Variants in ZNF235 observed in about 807,000 individuals in gnomAD.
ZNF235 encodes zfp-93.
Under a neutral mutation model 29.4 loss-of-function variants are expected in ZNF235, and 25 were observed. The observed-to-expected ratio is 0.85, with a 90% confidence interval of 0.62 to 1.19. ZNF235 has a LOEUF of 1.19. ZNF235 is among the 50% of genes most tolerant of loss of function. ZNF235 has a pLI of 0.00. For missense variants in ZNF235, 788 were observed against 885.0 expected, an observed-to-expected ratio of 0.89 and a Z score of 1.39; for synonymous variants, 300 against 295.3, an observed-to-expected ratio of 1.02 and a Z score of -0.16.
intron 2 of ZNF235, 72 bp from the exon 3 acceptor site, chr19:44,299,804 A>G: frequency 6.2e-7 from 1 of 1,608,996 alleles, no homozygotes; most frequent in Non-Finnish European, 8.5e-7. Context: ...CTCTTTCTGT[A>G]GAGTTACTAT....
In ZNF235 at chr19:44,304,668, G is replaced by C. The variant is rs987690710; in HGVS notation, c.-49+303C>G. 2.9e-5 allele frequency: 28 copies of C among 959,764 alleles called. No individual in the cohort carries two copies. In the African/African-American group the frequency reaches 4.4e-4, roughly 15 times the overall value. 59.5% of individuals were successfully genotyped at this position (959,764 alleles called of 1,614,324 possible). ...CGCACTAACCCTTTACAGGCACGAG[G>C]AAACTGAGACAAGGAGAGATTAAGT... On this transcript the variant is annotated intron_variant, in intron 1 of 4. Transcript: ENST00000291182.
In ZNF235 at chr19:44,288,494, G is replaced by C; in HGVS notation, c.941C>G (p.Thr314Ser). The C allele has an allele frequency of 6.2e-7, 1 of 1,614,136 alleles. No homozygotes were observed. The highest frequency in any genetic ancestry group is 8.5e-7 in the Non-Finnish European group (1 of 1,180,014). Residue 314 changes from threonine (T) to serine (S), a missense_variant, in exon 5 of 5, where the codon ACT becomes AGT. By Grantham distance (58) the Thr-to-Ser change is moderately conservative (BLOSUM62 1). Transcript: ENST00000291182. Reference sequence around the variant, plus strand: ...ATGACACCAATAGCGTTTTTTCCCAGTACGAACACTTTGTTGAACAGGAAT... The same window carrying C: ...ATGACACCAATAGCGTTTTTTCCCACTACGAACACTTTGTTGAACAGGAAT... ...SGIPVQQSVR[T>S]GKKRYWCHEC...
Position 44,289,048 on chromosome 19 carries a change from C to T in ZNF235, c.387G>A (p.Lys129=). ...SQDSMINIEG[K]SSQFPKHHDS... ...CATGGTGCTTGGGGAACTGAGAGCT[C>T]TTTCCTTCAATATTTATCATGGAGT... The change falls in exon 5 of 5, where the codon AAG becomes AAA. Residue 129 remains lysine, a synonymous_variant. Coordinates refer to ENST00000291182, the MANE Select transcript of ZNF235 (RefSeq NM_004234.4). The T allele has an allele frequency of 6.2e-7, 1 of 1,614,090 alleles. No homozygotes were observed. The highest frequency in any genetic ancestry group is 1.1e-5 in the South Asian group (1 of 91,072).
intron 1 of ZNF235, among the ~76,000 whole-genome samples, chr19:44,304,477 C>A (rs1269489033): frequency 6.6e-6 from 1 of 152,214 alleles, no homozygotes; most frequent in Admixed American, 6.5e-5. Context: ...GAAGGGACAG[C>A]GGCTCCGTAG....
chr19:44,297,242 C>A, intron 4 of ZNF235: 1 of 198,026 alleles, frequency 5.0e-6, no homozygotes, highest in Non-Finnish European at 1.1e-5. Flanking sequence ...CATGATCAAC[C>A]AGGCCACACC....
intron 4 of ZNF235, among the ~76,000 whole-genome samples, chr19:44,296,214 C>A (rs1459809952): frequency 2.0e-5 from 3 of 151,932 alleles, no homozygotes; most frequent in African/African-American, 4.8e-5. Context: ...CATTCTCCAG[C>A]AAAAAATAAA....
At position 44,287,321 on chromosome 19, in the gene ZNF235, T is replaced by C; in HGVS notation, c.2114A>G (p.His705Arg). 1 of 1,614,026 alleles carries C rather than the reference T, an allele frequency of 6.2e-7. No individual in the cohort carries two copies. Among genetic ancestry groups the C allele is most frequent in the Admixed American group, 1.7e-5 (1 of 60,004 alleles). The change falls in exon 5 of 5, where the codon CAC (histidine) becomes CGC (arginine). Residue 705 changes from histidine to arginine, a missense_variant. By Grantham distance (29) the His-to-Arg change is conservative. Coordinates refer to ENST00000291182, the MANE Select transcript of ZNF235 (RefSeq NM_004234.4). ...ACATATGTAAGGCCTCTCTCCAGTG[T>C]GGACTCTCTGGTGTGTGTGAAAATG... Reference protein sequence around the residue: ...ASHFHTHQRVHTGERPYICDV... With the variant: ...ASHFHTHQRVRTGERPYICDV...
intron 4 of ZNF235, among the ~76,000 whole-genome samples, chr19:44,291,807 A>T (rs1305599194): frequency 6.6e-6 from 1 of 152,156 alleles, no homozygotes; most frequent in Non-Finnish European, 1.5e-5. Context: ...TTCATCCATG[A>T]ATTTTACCAA....
intron 4 of ZNF235, 39 bp from the exon 5 acceptor site, chr19:44,289,235 G>A (rs1369702472): frequency 6.5e-7 from 1 of 1,535,808 alleles, no homozygotes; most frequent in Non-Finnish European, 8.8e-7. Flanking sequence ...AGGACCAAGA[G>A]ACTGACATTA....
chr19:44,288,158 G>C lies in ZNF235; in HGVS notation c.1277C>G (p.Thr426Ser), dbSNP rs771551317. The C allele has an allele frequency of 6.2e-7, 1 of 1,614,038 alleles. No individual in the cohort carries two copies. Among genetic ancestry groups the C allele is most frequent in the Middle Eastern group, 1.6e-4 (1 of 6,062 alleles). The change falls in exon 5 of 5, where the codon ACT becomes AGT. Residue 426 changes from threonine to serine, a missense_variant. Thr to Ser is a moderately conservative substitution (Grantham distance 58, BLOSUM62 1). Coordinates refer to ENST00000291182, the MANE Select transcript of ZNF235 (RefSeq NM_004234.4). The part of the protein sequence containing the change: ...SHLQAHERIH[T>S]GEKPYKCGDC... ...CCCACATTTATATGGTTTCTCTCCA[G>C]TGTGAATTCTTTCATGGGCCTGAAG... is the stretch of plus-strand genomic sequence containing the variant.
chr19:44,297,963 A>G (rs1411629666), intron 4 of ZNF235, among the ~76,000 whole-genome samples: 1 of 152,036 alleles, frequency 6.6e-6, no homozygotes, highest in Admixed American at 6.6e-5. Flanking sequence ...TACAAAAAAT[A>G]TAAAAATTAG....
At position 44,288,544 on chromosome 19, in the gene ZNF235, C is replaced by T. The variant is rs35932898; in HGVS notation, c.891G>A (p.Glu297=). The T allele has an allele frequency of 3.7e-3, 5,918 of 1,614,116 alleles. 179 individuals are homozygous for T. In the African/African-American group the frequency reaches 0.065, roughly 18 times the overall value. The change falls in exon 5 of 5, where the codon GAG becomes GAA. Residue 297 remains glutamate (E), a synonymous_variant. Transcript: ENST00000291182. ...TACCTGAGCTATAACTGGTGTCCTT[C>T]TCATGTGTACTACACGCTGGAGACT... is the stretch of plus-strand genomic sequence containing the variant. ...GKKSPACSTH[E]KDTSYSSGIP... is the part of the protein sequence containing the mutation.
chr19:44,299,248 C>G (rs1975698885), intron 3 of ZNF235, among the ~76,000 whole-genome samples: 1 of 152,148 alleles, frequency 6.6e-6, no homozygotes, highest in African/African-American at 2.4e-5. Context: ...GCTTATGTAA[C>G]TTACTAATTT....
At position 44,287,487 on chromosome 19, in the gene ZNF235, T is replaced by G; in HGVS notation, c.1948A>C (p.Thr650Pro). The change falls in exon 5 of 5, where the codon ACT (threonine) becomes CCT (proline). Residue 650 changes from threonine (T) to proline (P), a missense_variant. Thr to Pro is a conservative substitution (Grantham distance 38). Coordinates refer to ENST00000291182, the MANE Select transcript of ZNF235 (RefSeq NM_004234.4). The part of the protein sequence containing the change: ...SNLQVHQIIH[T>P]GEKPFKCEEC... The stretch of plus-strand genomic sequence containing the variant: ...TCACATTTAAATGGTTTCTCTCCAG[T>G]GTGAATTATCTGATGGACTTGAAGA... 6.2e-7 allele frequency: 1 copy of G among 1,614,152 alleles called. No homozygotes were observed. Among genetic ancestry groups the G allele is most frequent in the Non-Finnish European group, 8.5e-7 (1 of 1,180,014 alleles).
chr19:44,288,779 C>A lies in ZNF235; in HGVS notation c.656G>T (p.Cys219Phe). 1.9e-6 allele frequency: 3 copies of A among 1,613,802 alleles called. No homozygotes were observed. The highest frequency in any genetic ancestry group is 2.5e-6 in the Non-Finnish European group (3 of 1,179,880). The change falls in exon 5 of 5, where the codon TGT (cysteine) becomes TTT (phenylalanine). Residue 219 changes from cysteine to phenylalanine, a missense_variant. Transcript: ENST00000291182. ...ATTATCATCATGGTGGTGTGAAATACAACTGAAAATGTCAACATATGGAGC... is the reference window on the plus strand; with the variant it reads ...ATTATCATCATGGTGGTGTGAAATAAAACTGAAAATGTCAACATATGGAGC... ...IFAPYVDIFS[C>F]ISHHHDDNIV...
rs1975491748 is a variant in ZNF235, at chr19:44,286,843, C to G, written c.*375G>C. On this transcript the variant is annotated 3_prime_UTR_variant, in exon 5 of 5. Coordinates refer to ENST00000291182, the MANE Select transcript of ZNF235 (RefSeq NM_004234.4). The stretch of plus-strand genomic sequence containing the variant: ...TAGAGTGGTGAAAAACACCTCCTTA[C>G]ATAGAGGTTACATTTTAGTTGACAT... The G allele has an allele frequency of 5.6e-6, 1 of 178,582 alleles. No homozygotes were observed. Among genetic ancestry groups the G allele is most frequent in the Admixed American group, 5.5e-5 (1 of 18,168 alleles). 11.1% of individuals were successfully genotyped at this position (178,582 alleles called of 1,614,324 possible).
intron 1 of ZNF235, among the ~76,000 whole-genome samples, chr19:44,304,216 A>G (rs1390159615): frequency 6.6e-6 from 1 of 152,142 alleles, no homozygotes; most frequent in Non-Finnish European, 1.5e-5. Context: ...AAAACCTAAA[A>G]CTCTCTAAGA....
intron 4 of ZNF235, 69 bp downstream of exon 4, chr19:44,298,739 A>G: frequency 8.4e-7 from 1 of 1,189,328 alleles, no homozygotes; most frequent in East Asian, 2.4e-5. Context: ...AGCTGAGTGG[A>G]GAAGAAATTA....
chr19:44,289,607 C>T (rs188361740), intron 4 of ZNF235: 92 of 155,572 alleles, frequency 5.9e-4, no homozygotes, highest in African/African-American at 2.0e-3. Context: ...ACAGATTTTC[C>T]TGGATTTTAT....
Sources: allele counts gnomAD v4.1 joint callset (sites outside exome capture counted in the v4.1 genomes callset), GRCh38; gene constraint gnomAD v4.1.1; transcripts MANE v1.5; gene names NCBI Gene and HGNC (gene_info 2026-07-23, HGNC 2026-07-21).